ATP1A3: variants seen among roughly 807,000 people sequenced by gnomAD.
ATP1A3 encodes ATPase Na+/K+ transporting subunit alpha 3.
Under a neutral mutation model 108.8 loss-of-function variants are expected in ATP1A3, and 12 were observed. That is an observed-to-expected ratio of 0.11 (90% CI 0.07 to 0.18). The LOEUF is 0.18. Ranked by LOEUF, ATP1A3 falls within the 10% of genes least tolerant of loss-of-function variation. ATP1A3 has a pLI of 1.00. For synonymous variants in ATP1A3, 539 were observed against 564.5 expected, an observed-to-expected ratio of 0.95 and a Z score of 0.64; for missense variants, 498 against 1,387.7, an observed-to-expected ratio of 0.36 and a Z score of 10.19.
chr19:41,967,414 A>G lies in ATP1A3; in HGVS notation c.2922-74T>C, dbSNP rs2288508. 2.3e-5 allele frequency: 34 copies of G among 1,504,440 alleles called. No individual in the cohort carries two copies. The East Asian group carries it at 6.0e-4, about 26-fold the overall frequency. 93.2% of individuals were successfully genotyped at this position (1,504,440 alleles called of 1,614,324 possible). Reference sequence around the variant, plus strand: ...GCAGAGTTTCAGGGGACTGGAGGGGACGCAGAGGGGCAGTCTCCCAGGATC... The same window carrying G: ...GCAGAGTTTCAGGGGACTGGAGGGGGCGCAGAGGGGCAGTCTCCCAGGATC... On this transcript the variant is annotated intron_variant, in intron 21 of 22. Coordinates refer to ENST00000648268, the MANE Select transcript of ATP1A3 (RefSeq NM_152296.5). The surrounding 1 kb of genome is among the most constrained non-coding windows in gnomAD (Gnocchi z 4.2).
chr19:41,972,843 A>C (rs2075125494), intron 16 of ATP1A3, among the ~76,000 whole-genome samples: 7 of 137,698 alleles, frequency 5.1e-5, no homozygotes, highest in African/African-American at 1.9e-4. Context: ...GGAAGGAAGG[A>C]AGGAAGGAAG....
rs144151729 is a variant in ATP1A3 at position 41,983,600 on chromosome 19, A to T, written c.993+1318T>A. 3.6e-3 allele frequency among the ~76,000 whole-genome samples: 528 copies of T among 145,138 alleles called. 6 individuals are homozygous for T. The East Asian group carries it at 0.038, about 10-fold the overall frequency. On this transcript the variant is annotated intron_variant, in intron 8 of 22. Transcript: ENST00000648268. ...TAATAATAATAATTATTATTATTAT[A>T]ATAATTATTATTATTATTATTTTCT...
Position 41,981,462 on chromosome 19 carries a change from C to A in ATP1A3, c.1437+40G>T, listed in dbSNP as rs782060704. The stretch of plus-strand genomic sequence containing the variant: ...ACCTCTTTACAGGCGTCATAAGGAA[C>A]CTGAGGTCCAGGCTGGCTCTCCCGG... On this transcript the variant is annotated intron_variant, in intron 11 of 22. Transcript: ENST00000648268. The surrounding 1 kb of genome is among the most constrained non-coding windows in gnomAD (Gnocchi z 5.0). 1 of 1,613,972 alleles carries A rather than the reference C, an allele frequency of 6.2e-7. No homozygotes were observed. Among genetic ancestry groups the A allele is most frequent in the Non-Finnish European group, 8.5e-7 (1 of 1,180,014 alleles).
chr19:41,967,334 G>A lies in ATP1A3; in HGVS notation c.2928C>T (p.Ser976=). The A allele has an allele frequency of 1.9e-6, 3 of 1,607,946 alleles. No individual in the cohort carries two copies. The highest frequency in any genetic ancestry group is 1.7e-6 in the Non-Finnish European group (2 of 1,179,928). ...VALRMYPLKP[S]WWFCAFPYSF... ...TGTAGGGGAAGGCACAGAACCACCAGCTGGGCCTGCAGAGGGGAGAGCAGG... is the reference window on the plus strand; with the variant it reads ...TGTAGGGGAAGGCACAGAACCACCAACTGGGCCTGCAGAGGGGAGAGCAGG... Residue 976 remains serine (S), a synonymous_variant, in exon 22 of 23, where the codon AGC becomes AGT. Transcript: ENST00000648268. This position sits in a 1 kb window ranked among gnomAD's most constrained non-coding sequence, Gnocchi z 4.2.
chr19:41,971,120 C>T (rs1047075802), intron 16 of ATP1A3, among the ~76,000 whole-genome samples: 1 of 152,018 alleles, frequency 6.6e-6, no homozygotes, highest in African/African-American at 2.4e-5. Context: ...CGCGCCACCA[C>T]GTCCAGCTAA....
intron 1 of ATP1A3, among the ~76,000 whole-genome samples, chr19:41,989,680 C>A (rs1197316682): frequency 1.3e-5 from 2 of 152,080 alleles, no homozygotes; most frequent in African/African-American, 4.8e-5. Context: ...TGTCTGTCTC[C>A]CTTGATGTGT....
In ATP1A3 at chr19:41,967,383, C is replaced by A. The variant is rs1555858860; in HGVS notation, c.2922-43G>T. The A allele has an allele frequency of 1.9e-6, 3 of 1,585,346 alleles. No individual in the cohort carries two copies. Among genetic ancestry groups the A allele is most frequent in the African/African-American group, 1.3e-5 (1 of 74,560 alleles). On this transcript the variant is annotated intron_variant, in intron 21 of 22. Transcript: ENST00000648268. The surrounding 1 kb of genome is among the most constrained non-coding windows in gnomAD (Gnocchi z 4.2). ...GGAGGGCTTGAGTGCGGGGCCCTAACGAGAGGCAGAGTTTCAGGGGACTGG... is the reference window on the plus strand; with the variant it reads ...GGAGGGCTTGAGTGCGGGGCCCTAAAGAGAGGCAGAGTTTCAGGGGACTGG...
intron 1 of ATP1A3, among the ~76,000 whole-genome samples, chr19:41,991,202 AGGCTCAGCGC>A (rs1304625712): frequency 2.0e-5 from 3 of 152,154 alleles, no homozygotes; most frequent in Non-Finnish European, 2.9e-5. Flanking sequence ...CTGGGATCGG[AGGCTCAGCGC>A]GGCTCAGCGC....
In ATP1A3 at chr19:41,978,939, CT is replaced by C; in HGVS notation, c.1438-142del. The C allele has an allele frequency of 1.5e-6, 1 of 678,776 alleles. No individual in the cohort carries two copies. The highest frequency in any genetic ancestry group is 2.7e-5 in the Admixed American group (1 of 36,702). 42.0% of individuals were successfully genotyped at this position (678,776 alleles called of 1,614,324 possible). The stretch of plus-strand genomic sequence containing the variant: ...CCCCCACACTCTCTCACAGAGACCT[CT>C]GCTCATTCCTGTCCGCTCTGTCTAT... On this transcript the variant is annotated intron_variant, in intron 11 of 22. Transcript: ENST00000648268. The surrounding 1 kb of genome is among the most constrained non-coding windows in gnomAD (Gnocchi z 8.3).
intron 14 of ATP1A3, 71 bp downstream of exon 14, chr19:41,977,865 G>C (rs1404086081): frequency 4.4e-5 from 69 of 1,582,124 alleles, no homozygotes; most frequent in Non-Finnish European, 5.3e-5. Flanking sequence ...AGGGAGGTTG[G>C]GGGGAAGCGG....
At chr19:41,972,832 A>AGGAAGGAAGGAAGGAAGGAC (rs2075125242) in intron 16 of ATP1A3, among the ~76,000 whole-genome samples, 1 of 133,662 alleles carries the variant, frequency 7.5e-6, no homozygotes, top group East Asian at 2.4e-4. Flanking sequence ...GAAGGAAGGA[A>AGGAAGGAAGGAAGGAAGGAC]GGAAGGAAGG....
chr19:41,970,140 G>A (rs781989130), intron 18 of ATP1A3, 45 bp downstream of exon 18: 1 of 1,614,116 alleles, frequency 6.2e-7, no homozygotes, highest in South Asian at 1.1e-5. Flanking sequence ...CACTGCTCTA[G>A]GCCCGGCACT....
At chr19:41,976,686 G>A in intron 14 of ATP1A3, 120 bp from the exon 15 acceptor site, 3 of 1,439,456 alleles carry the variant, frequency 2.1e-6, no homozygotes, top group Non-Finnish European at 2.9e-6. Context: ...AGAGGACCAG[G>A]GGCTGGGGGA....
Position 41,978,479 on chromosome 19 carries a change from CCATT to C in ATP1A3, c.1630+123_1630+126del, listed in dbSNP as rs769321266. On this transcript the variant is annotated intron_variant, in intron 12 of 22. Coordinates refer to ENST00000648268, the MANE Select transcript of ATP1A3 (RefSeq NM_152296.5). The surrounding 1 kb of genome is among the most constrained non-coding windows in gnomAD (Gnocchi z 8.3). ...TAGGATACCTTCCCCTCTCATCCAT[CCATT>C]CATTCATTCATTCATTCATTTACAG... The C allele has an allele frequency of 9.4e-5, 139 of 1,481,358 alleles. No homozygotes were observed. The highest frequency in any genetic ancestry group is 2.2e-4 in the Middle Eastern group (1 of 4,496). The allele number at this position is 1,481,358 out of a possible 1,614,324, so 91.8% of individuals were successfully genotyped here.
chr19:41,985,896 C>T lies in ATP1A3; in HGVS notation c.574G>A (p.Asp192Asn). Reference sequence around the variant, plus strand: ...CCGTGGGCTGAGATGATCCGCAGGTCAGCTGGCACTCGGTCTCCACCCTTG... The same window carrying T: ...CCGTGGGCTGAGATGATCCGCAGGTTAGCTGGCACTCGGTCTCCACCCTTG... Reference protein sequence around the residue: ...EIKGGDRVPADLRIISAHGCK... With the variant: ...EIKGGDRVPANLRIISAHGCK... The change falls in exon 6 of 23, where the codon GAC (aspartate) becomes AAC (asparagine). Residue 192 changes from aspartate to asparagine, a missense_variant. By Grantham distance (23) the Asp-to-Asn change is conservative. Around this residue, in one of 9 missense-constraint regions of ATP1A3, gnomAD observed 127 missense variants for 464.0 expected, o/e 0.27. Transcript: ENST00000648268. This position sits in a 1 kb window ranked among gnomAD's most constrained non-coding sequence, Gnocchi z 8.2. 1 of 1,614,022 alleles carries T rather than the reference C, an allele frequency of 6.2e-7. No homozygotes were observed. The highest frequency in any genetic ancestry group is 8.5e-7 in the Non-Finnish European group (1 of 1,179,958).
intron 16 of ATP1A3, among the ~76,000 whole-genome samples, chr19:41,972,339 A>T (rs1022243938): frequency 3.3e-5 from 5 of 152,014 alleles, no homozygotes; most frequent in Non-Finnish European, 4.4e-5. Flanking sequence ...AGGTGGGAGG[A>T]TCACTTGAGG....
chr19:41,983,185 C>T (rs2075252113), intron 8 of ATP1A3, among the ~76,000 whole-genome samples: 1 of 151,922 alleles, frequency 6.6e-6, no homozygotes, highest in Non-Finnish European at 1.5e-5. Flanking sequence ...TCAAGCAATT[C>T]TTGTGCCTCA....
rs2075068987 is a variant in ATP1A3, at chr19:41,968,579, G to A, written c.2819+206C>T. On this transcript the variant is annotated intron_variant, in intron 20 of 22. Transcript: ENST00000648268. This position sits in a 1 kb window ranked among gnomAD's most constrained non-coding sequence, Gnocchi z 5.0. ...TAGTCTCAGCTACTCAGGAGGCTGA[G>A]GTGGGTGGGTCACTTGAGCCCAGGA... Among the ~76,000 whole-genome samples the A allele has an allele frequency of 6.6e-6, 1 of 152,180 alleles. No homozygotes were observed. Among genetic ancestry groups the A allele is most frequent in the Non-Finnish European group, 1.5e-5 (1 of 68,020 alleles).
At chr19:41,983,918 G>T (rs937509653) in intron 8 of ATP1A3, among the ~76,000 whole-genome samples, 1 of 150,798 alleles carries the variant, frequency 6.6e-6, no homozygotes, top group Non-Finnish European at 1.5e-5. Context: ...GGGATTCCAG[G>T]CACCCATCAC....
Sources: gnomAD v4.1 joint callset for allele counts (sites outside exome capture counted in the v4.1 genomes callset) on GRCh38, gnomAD v4.1.1 for gene constraint, gnomAD v4.1.1 regional missense constraint, Gnocchi (gnomAD v3.1) non-coding constraint, MANE v1.5 for transcripts, NCBI Gene and HGNC (gene_info 2026-07-23, HGNC 2026-07-21) for gene names.